Variants in PYGB observed in about 807,000 individuals in gnomAD.
PYGB encodes the protein glycogen phosphorylase B.
PYGB carries 82 observed loss-of-function variants against 94.3 expected under a neutral mutation model. The ratio of observed to expected loss-of-function variants is 0.87; its 90% CI spans 0.73 to 1.04. PYGB has a LOEUF of 1.04. Among genes scored for constraint, PYGB ranks in the 50% least tolerant of loss-of-function variants. The pLI is 0.00. For missense variants in PYGB, 1,132 were observed against 1,158.2 expected (o/e 0.98, Z 0.33); for synonymous variants, 488 against 479.1 (o/e 1.02, Z -0.24).
chr20:25,254,460 A>T (rs1344464296), intron 1 of PYGB, among the ~76,000 whole-genome samples: 1 of 152,212 alleles, frequency 6.6e-6, no homozygotes, highest in African/African-American at 2.4e-5. Context: ...TTTCTCACCC[A>T]TGCAGAATGG....
At chr20:25,258,164 A>T (rs1034567799) in intron 1 of PYGB, among the ~76,000 whole-genome samples, 1 of 152,224 alleles carries the variant, frequency 6.6e-6, no homozygotes, top group African/African-American at 2.4e-5. Context: ...TTCAATTTGT[A>T]GATTTAGGTA....
At chr20:25,288,607 G>A (rs757003729) in intron 15 of PYGB, 124 bp downstream of exon 15, 34 of 1,149,990 alleles carry the variant, frequency 3.0e-5, no homozygotes, top group Admixed American at 4.1e-5. Context: ...AGCGGTCACC[G>A]GCCCCTCTGG....
At position 25,268,161 on chromosome 20, in the gene PYGB, G is replaced by GCCCCTC. The variant is rs1555806063; in HGVS notation, c.346-964_346-963insTCCCCC. On this transcript the variant is annotated intron_variant, in intron 2 of 19. Coordinates refer to ENST00000216962, the MANE Select transcript of PYGB (RefSeq NM_002862.4). Reference sequence around the variant, plus strand: ...CATTATTGAGTAAATCCTAGCACCCGCCCCCCCCCCATATCCAAAATATTG... The same window carrying GCCCCTC: ...CATTATTGAGTAAATCCTAGCACCCGCCCCTCCCCCCCCCCCATATCCAAAATATTG... Among the ~76,000 whole-genome samples, 2 of 62,038 alleles carry GCCCCTC rather than the reference G, an allele frequency of 3.2e-5. 1 individual carries two copies. Among genetic ancestry groups the GCCCCTC allele is most frequent in the Non-Finnish European group, 6.2e-5 (2 of 32,358 alleles). The allele number at this position is 62,038 out of a possible 152,430, so 40.7% of individuals were successfully genotyped here. A position where few individuals can be genotyped will look rare whatever the true frequency, so the allele number is the denominator to read the frequency against.
intron 12 of PYGB, among the ~76,000 whole-genome samples, chr20:25,282,586 G>C (rs571470762): frequency 4.6e-4 from 70 of 152,376 alleles, no homozygotes; most frequent in African/African-American, 1.6e-3. Flanking sequence ...CTGGGGCTAT[G>C]GTCAGGGAAG....
chr20:25,278,997 C>G, intron 8 of PYGB, 60 bp from the exon 9 acceptor site: 2 of 1,520,196 alleles, frequency 1.3e-6, no homozygotes, highest in South Asian at 2.4e-5. Context: ...CGTATGCCAA[C>G]AACCGTGGGT....
intron 2 of PYGB, among the ~76,000 whole-genome samples, chr20:25,268,161 G>GGC (rs373721698): frequency 1.6e-5 from 1 of 62,036 alleles, no homozygotes; most frequent in Non-Finnish European, 3.1e-5. Flanking sequence ...CCTAGCACCC[G>GGC]CCCCCCCCCC....
At position 25,277,155 on chromosome 20, in the gene PYGB, T is replaced by G. The variant is rs1436115564; in HGVS notation, c.773-89T>G. On this transcript the variant is annotated intron_variant, in intron 6 of 19. Transcript: ENST00000216962. Reference sequence around the variant, plus strand: ...GGGGAGTCCTGTGCTCGAGCGAGTTTCCTTGGCCTTTGCAAGTAGGCCCCT... The same window carrying G: ...GGGGAGTCCTGTGCTCGAGCGAGTTGCCTTGGCCTTTGCAAGTAGGCCCCT... 5 of 1,046,956 alleles carry G rather than the reference T, an allele frequency of 4.8e-6. No individual in the cohort carries two copies. In the South Asian group the frequency reaches 5.2e-5, roughly 11 times the overall value. The allele number at this position is 1,046,956 out of a possible 1,614,324, so 64.9% of individuals were successfully genotyped here.
intron 5 of PYGB, 43 bp from the exon 6 acceptor site, chr20:25,276,603 G>T (rs769082776): frequency 1.9e-6 from 3 of 1,552,562 alleles, no homozygotes; most frequent in Non-Finnish European, 2.7e-6. Context: ...GGGCCGGCGG[G>T]GGCCCTTGCC....
chr20:25,280,139 G>T, intron 9 of PYGB, 127 bp from the exon 10 acceptor site: 1 of 1,152,890 alleles, frequency 8.7e-7, no homozygotes, highest in Non-Finnish European at 1.2e-6. Context: ...AGAGCAGAGG[G>T]GACGGTGGCC....
chr20:25,274,300 A>G (rs80169304), intron 4 of PYGB, among the ~76,000 whole-genome samples: 3,223 of 152,276 alleles, frequency 0.021, 104 homozygotes, highest in African/African-American at 0.073. Context: ...CACTGAGTGT[A>G]GGTTTTTCAA....
chr20:25,264,700 C>T (rs1208358307), intron 2 of PYGB, among the ~76,000 whole-genome samples: 1 of 152,102 alleles, frequency 6.6e-6, no homozygotes, highest in Non-Finnish European at 1.5e-5. Context: ...AATAAAATAC[C>T]TAGGAATCCA....
intron 8 of PYGB, 87 bp downstream of exon 8, chr20:25,278,549 G>C: frequency 6.5e-7 from 1 of 1,539,574 alleles, no homozygotes; most frequent in East Asian, 2.3e-5. Context: ...CCCAAAAGGG[G>C]CTAGAGTGGA....
chr20:25,257,548 G>A (rs985875231), intron 1 of PYGB, among the ~76,000 whole-genome samples: 1 of 152,208 alleles, frequency 6.6e-6, no homozygotes, highest in Non-Finnish European at 1.5e-5. Context: ...CCACATTTTA[G>A]CCAGGTGTGG....
At chr20:25,265,291 T>G (rs947879909) in intron 2 of PYGB, among the ~76,000 whole-genome samples, 1 of 152,240 alleles carries the variant, frequency 6.6e-6, no homozygotes. Context: ...CTTAATTTTT[T>G]TTTTGGAACC....
chr20:25,288,919 C>T (rs1410189937), intron 15 of PYGB, among the ~76,000 whole-genome samples: 1 of 152,252 alleles, frequency 6.6e-6, no homozygotes, highest in African/African-American at 2.4e-5. Context: ...TCGTCACACT[C>T]ATCAGCCCTC....
At chr20:25,261,744 C>T (rs969842330) in intron 2 of PYGB, among the ~76,000 whole-genome samples, 1 of 152,166 alleles carries the variant, frequency 6.6e-6, no homozygotes, top group Non-Finnish European at 1.5e-5. Flanking sequence ...AAAGATTAGA[C>T]GAATGGCTAA....
intron 19 of PYGB, 122 bp from the exon 20 acceptor site, chr20:25,296,248 C>T: frequency 8.1e-7 from 1 of 1,230,186 alleles, no homozygotes; most frequent in African/African-American, 1.5e-5. Context: ...TCCTCCTCTT[C>T]CAGCGGATGG....
intron 4 of PYGB, among the ~76,000 whole-genome samples, chr20:25,273,163 C>T (rs1381335114): frequency 1.3e-5 from 2 of 152,246 alleles, no homozygotes; most frequent in East Asian, 3.8e-4. Flanking sequence ...TGCTTGGCAC[C>T]CTGGCCAAGG....
Position 25,288,464 on chromosome 20 carries a change from C to T in PYGB, c.1808C>T (p.Thr603Ile). The part of the protein sequence containing the change: ...RDPAKAFVPR[T>I]VMIGGKAAPG... ...CCGGCCAAGGCTTTTGTGCCCAGGA[C>T]TGTTATGATTGGGGGCAAGGTGAGT... is the stretch of plus-strand genomic sequence containing the variant. The change falls in exon 15 of 20, where the codon ACT becomes ATT. Residue 603 changes from threonine to isoleucine, a missense_variant. By Grantham distance (89) the Thr-to-Ile change is moderately conservative. Transcript: ENST00000216962. 1.2e-6 allele frequency: 2 copies of T among 1,614,126 alleles called. No homozygotes were observed. Among genetic ancestry groups the T allele is most frequent in the Non-Finnish European group, 1.7e-6 (2 of 1,180,020 alleles).
Sources: allele counts gnomAD v4.1 joint callset (sites outside exome capture counted in the v4.1 genomes callset), GRCh38; gene constraint gnomAD v4.1.1; transcripts MANE v1.5; gene names NCBI Gene and HGNC (gene_info 2026-07-23, HGNC 2026-07-21).